The following TTC28 variants were observed in gnomAD, a reference collection of about 807,000 sequenced individuals.
TTC28 encodes the protein tetratricopeptide repeat protein 28.
TTC28 carries 61 observed loss-of-function variants against 198.0 expected under a neutral mutation model. That is an observed-to-expected ratio of 0.31 (90% CI 0.25 to 0.38). The LOEUF (loss-of-function observed/expected upper bound fraction) is 0.38. TTC28 is among the 10% of genes least tolerant of loss of function. The pLI, the probability that TTC28 is intolerant of heterozygous loss-of-function variation, is 1.00. For missense variants in TTC28, 2,678 were observed against 3,164.0 expected (o/e 0.85, Z 3.69); for synonymous variants, 1,171 against 1,297.8 (o/e 0.90, Z 2.10).
intron 2 of TTC28, among the ~76,000 whole-genome samples, chr22:28,473,471 T>C (rs1222649424): frequency 1.3e-5 from 2 of 152,194 alleles, no homozygotes; most frequent in African/African-American, 2.4e-5. Flanking sequence ...TGGCAATAAC[T>C]GGAAGTTACC....
intron 2 of TTC28, among the ~76,000 whole-genome samples, chr22:28,446,385 G>A (rs1007064336): frequency 5.3e-5 from 8 of 152,122 alleles, no homozygotes; most frequent in South Asian, 2.1e-4. Flanking sequence ...ACTGTAAGGC[G>A]ATATAGTTTG....
Position 28,123,144 on chromosome 22 carries a change from G to A in TTC28, c.1442-14741C>T, listed in dbSNP as rs79557728. Reference sequence around the variant, plus strand: ...GAAATATGGGAGCAAGATGAGAAACGGAAGAACTTCAAGCCCAGTATCAAT... The same window carrying A: ...GAAATATGGGAGCAAGATGAGAAACAGAAGAACTTCAAGCCCAGTATCAAT... On this transcript the variant is annotated intron_variant, in intron 6 of 22. Transcript: ENST00000397906. 5.6e-3 allele frequency among the ~76,000 whole-genome samples: 852 copies of A among 152,228 alleles called. 7 individuals carry two copies. Among genetic ancestry groups the A allele is most frequent in the African/African-American group, 0.02 (812 of 41,550 alleles).
intron 16 of TTC28, chr22:27,997,265 G>A (rs965166468): frequency 6.6e-6 from 1 of 152,270 alleles, no homozygotes; most frequent in African/African-American, 2.4e-5. Flanking sequence ...AGGCAGGGCA[G>A]GGTATATGCC....
chr22:28,621,587 A>T (rs1049939559), intron 2 of TTC28, among the ~76,000 whole-genome samples: 11 of 150,906 alleles, frequency 7.3e-5, no homozygotes, highest in Non-Finnish European at 1.0e-4. Context: ...TAAAAAGTTT[A>T]AAAAAAATAG....
intron 5 of TTC28, among the ~76,000 whole-genome samples, chr22:28,211,156 C>T (rs997362700): frequency 3.9e-5 from 6 of 152,096 alleles, no homozygotes; most frequent in African/African-American, 1.2e-4. Context: ...AAGGAACAAC[C>T]GGTACCAACC....
intron 2 of TTC28, among the ~76,000 whole-genome samples, chr22:28,536,552 A>G (rs927004855): frequency 4.6e-5 from 7 of 152,158 alleles, no homozygotes; most frequent in Admixed American, 3.3e-4. Flanking sequence ...TGAACCCGGG[A>G]GGCGGAGCTT....
chr22:28,233,762 GGA>G (rs1928999470), intron 5 of TTC28, among the ~76,000 whole-genome samples: 1 of 151,822 alleles, frequency 6.6e-6, no homozygotes, highest in African/African-American at 2.4e-5. Flanking sequence ...TTTGTTTTTT[GGA>G]GATGGAGTCT....
chr22:28,267,487 A>T (rs1252795689), intron 5 of TTC28, among the ~76,000 whole-genome samples: 1 of 152,180 alleles, frequency 6.6e-6, no homozygotes, highest in African/African-American at 2.4e-5. Context: ...CTGTTTCTGG[A>T]ATTTGGTGGG....
intron 2 of TTC28, among the ~76,000 whole-genome samples, chr22:28,456,764 C>G (rs549826878): frequency 1.3e-5 from 2 of 152,048 alleles, no homozygotes; most frequent in Admixed American, 6.5e-5. Context: ...TTAGTAGAGA[C>G]GGGGTTTCAC....
At chr22:28,427,496 C>T (rs1240540824) in intron 2 of TTC28, among the ~76,000 whole-genome samples, 2 of 151,556 alleles carry the variant, frequency 1.3e-5, no homozygotes, top group African/African-American at 4.8e-5. Context: ...ACTAAACATA[C>T]AAAAAATTAG....
intron 2 of TTC28, among the ~76,000 whole-genome samples, chr22:28,345,296 C>T (rs755558789): frequency 6.6e-6 from 1 of 152,070 alleles, no homozygotes; most frequent in Non-Finnish European, 1.5e-5. Context: ...CAAAGCTAGA[C>T]CCCCAAAATA....
At chr22:28,591,408 A>G (rs1344080561) in intron 2 of TTC28, among the ~76,000 whole-genome samples, 1 of 152,072 alleles carries the variant, frequency 6.6e-6, no homozygotes, top group African/African-American at 2.4e-5. Context: ...CTGTTTTTAT[A>G]AAGAATCTTG....
Position 28,319,989 on chromosome 22 carries a change from C to T in TTC28, c.382-13346G>A, listed in dbSNP as rs56323854. On this transcript the variant is annotated intron_variant, in intron 2 of 22. Coordinates refer to ENST00000397906, the MANE Select transcript of TTC28 (RefSeq NM_001145418.2). ...TTACATTACGGTAGGCAAGATGCCA[C>T]GTGTTTTTTTCAACAGTTGGTGAGA... 7.7e-3 allele frequency among the ~76,000 whole-genome samples: 1,167 copies of T among 152,116 alleles called. 12 individuals carry two copies. The highest frequency in any genetic ancestry group is 0.012 in the Non-Finnish European group (846 of 68,000).
intron 2 of TTC28, among the ~76,000 whole-genome samples, chr22:28,385,340 C>A (rs1282145001): frequency 6.7e-6 from 1 of 150,220 alleles, no homozygotes; most frequent in African/African-American, 2.4e-5. Flanking sequence ...TCAAGCAATT[C>A]TCCTGCCTCA....
intron 13 of TTC28, among the ~76,000 whole-genome samples, chr22:28,019,260 T>A (rs113652280): frequency 1.7e-4 from 26 of 150,922 alleles, no homozygotes; most frequent in East Asian, 3.9e-4. Context: ...TTTTAAAAAA[T>A]TTTTTTTTTA....
intron 2 of TTC28, among the ~76,000 whole-genome samples, chr22:28,609,641 G>C (rs1395521328): frequency 6.6e-6 from 1 of 152,064 alleles, no homozygotes; most frequent in Non-Finnish European, 1.5e-5. Flanking sequence ...GCACAAAACT[G>C]GGTGGCCATT....
At chr22:28,396,393 A>C (rs985175100) in intron 2 of TTC28, among the ~76,000 whole-genome samples, 2 of 152,234 alleles carry the variant, frequency 1.3e-5, no homozygotes, top group African/African-American at 2.4e-5. Context: ...TGGGCCACAT[A>C]GCTCAACTTG....
chr22:28,531,424 C>G (rs1243752542), intron 2 of TTC28, among the ~76,000 whole-genome samples: 8 of 152,094 alleles, frequency 5.3e-5, no homozygotes, highest in Admixed American at 4.6e-4. Flanking sequence ...CCTTAGAGAC[C>G]TACAAAGAGA....
intron 5 of TTC28, among the ~76,000 whole-genome samples, chr22:28,268,803 C>T (rs1204793181): frequency 6.6e-6 from 1 of 152,132 alleles, no homozygotes; most frequent in Non-Finnish European, 1.5e-5. Flanking sequence ...ACACCCTTCA[C>T]TTCATCATGG....
Sources: allele counts gnomAD v4.1 joint callset (sites outside exome capture counted in the v4.1 genomes callset), GRCh38; gene constraint gnomAD v4.1.1; transcripts MANE v1.5; gene names NCBI Gene and HGNC (gene_info 2026-07-23, HGNC 2026-07-21).